SMG1: variants seen among roughly 807,000 people sequenced by gnomAD.
SMG1 encodes serine/threonine-protein kinase SMG1.
In SMG1, 22 loss-of-function variants were observed where a neutral mutation model predicts 419.9. The observed-to-expected ratio is 0.05, with a 90% confidence interval of 0.04 to 0.07. The LOEUF (loss-of-function observed/expected upper bound fraction) is 0.07. Ranked by LOEUF, SMG1 falls within the 10% of genes least tolerant of loss-of-function variation. The pLI is 1.00. For missense variants in SMG1, 3,185 were observed against 4,342.0 expected, an observed-to-expected ratio of 0.73 and a Z score of 7.49; for synonymous variants, 1,538 against 1,553.5, an observed-to-expected ratio of 0.99 and a Z score of 0.23.
At chr16:18,821,221 CTTTTT>C (rs869238782) in intron 55 of SMG1, among the ~76,000 whole-genome samples, 3 of 35,602 alleles carry the variant, frequency 8.4e-5, no homozygotes, top group East Asian at 6.0e-4. Context: ...TAGTATGTTT[CTTTTT>C]TTTTTTTTTT....
At chr16:18,888,546 C>A (rs1050202312) in intron 6 of SMG1, among the ~76,000 whole-genome samples, 1 of 151,448 alleles carries the variant, frequency 6.6e-6, no homozygotes, top group African/African-American at 2.4e-5. Context: ...CGGCTCACTG[C>A]AACCTCGGCC....
rs573813966 is a variant in SMG1, at chr16:18,916,630, AAC to A, written c.92+9318_92+9319del. 1.5e-3 allele frequency among the ~76,000 whole-genome samples: 225 copies of A among 152,064 alleles called. 1 individual carries two copies. Among genetic ancestry groups the A allele is most frequent in the African/African-American group, 5.2e-3 (215 of 41,544 alleles). Reference sequence around the variant, plus strand: ...ACATTAAAAAACACACACAAAAAAAAACACAGAATAAGGGAGCATTTCCCATA... The same window carrying A: ...ACATTAAAAAACACACACAAAAAAAAACAGAATAAGGGAGCATTTCCCATA... On this transcript the variant is annotated intron_variant, in intron 1 of 62. Transcript: ENST00000446231.
chr16:18,889,585 A>G lies in SMG1; in HGVS notation c.609T>C (p.Ser203=). 1 of 571,488 alleles carries G rather than the reference A, an allele frequency of 1.7e-6. No homozygotes were observed. The highest frequency in any genetic ancestry group is 2.9e-5 in the East Asian group (1 of 34,352). 35.4% of individuals were successfully genotyped at this position (571,488 alleles called of 1,614,324 possible). ...GTCTCAACTCCTGAAGCAATTTGCT[A>G]CTGTGTTTATTTTAATGCAAACAAA... ...LAAVHDVLNE[S]SKLLQELRQE... The change falls in exon 6 of 63, where the codon AGT becomes AGC. Residue 203 remains serine (S), a splice_region_variant and synonymous_variant. Transcript: ENST00000446231.
In SMG1 at chr16:18,866,856, T is replaced by A. The variant is rs959651469; in HGVS notation, c.3196-81A>T. 6 of 1,160,448 alleles carry A rather than the reference T, an allele frequency of 5.2e-6. No individual in the cohort carries two copies. In the African/African-American group the frequency reaches 9.1e-5, roughly 18 times the overall value. The allele number at this position is 1,160,448 out of a possible 1,614,324, so 71.9% of individuals were successfully genotyped here. ...ATAAAATTTACAACTGATCAGTCTGTGCCTGCTTAAAGCCAAATGTATTTA... is the reference window on the plus strand; with the variant it reads ...ATAAAATTTACAACTGATCAGTCTGAGCCTGCTTAAAGCCAAATGTATTTA... On this transcript the variant is annotated intron_variant, in intron 22 of 62. Coordinates refer to ENST00000446231, the MANE Select transcript of SMG1 (RefSeq NM_015092.5).
rs1407904998 is a variant in SMG1, at chr16:18,809,494, T to C, written c.*75A>G. 8.6e-7 allele frequency: 1 copy of C among 1,162,834 alleles called. No homozygotes were observed. The highest frequency in any genetic ancestry group is 1.3e-6 in the Non-Finnish European group (1 of 787,158). 72.0% of individuals were successfully genotyped at this position (1,162,834 alleles called of 1,614,324 possible). A position where few individuals can be genotyped will look rare whatever the true frequency, so the allele number is the denominator to read the frequency against. On this transcript the variant is annotated 3_prime_UTR_variant, in exon 63 of 63. Transcript: ENST00000446231. ...CATCACCACCGACTGTGGTGTGGCT[T>C]TGGATGCCTGAGGCTGAGTTGATTC...
In SMG1 at chr16:18,815,597, T is replaced by C. The variant is rs2031929697; in HGVS notation, c.10357A>G (p.Arg3453Gly). 6.2e-7 allele frequency: 1 copy of C among 1,613,882 alleles called. No individual in the cohort carries two copies. Among genetic ancestry groups the C allele is most frequent in the African/African-American group, 1.3e-5 (1 of 74,926 alleles). The change falls in exon 59 of 63, where the codon AGG (arginine) becomes GGG (glycine). Residue 3453 changes from arginine to glycine, a missense_variant. Physicochemically the swap from Arg to Gly is moderately radical, Grantham distance 125 (BLOSUM62 -2). Transcript: ENST00000446231. Reference sequence around the variant, plus strand: ...GATTTATATTCACCCAAAAACTGCCTAACACTGTTCTCATAGGGAACATCT... The same window carrying C: ...GATTTATATTCACCCAAAAACTGCCCAACACTGTTCTCATAGGGAACATCT... ...GEDVPYENSVRQFLGEYKSWQ... is the reference protein window; with the variant it reads ...GEDVPYENSVGQFLGEYKSWQ...
Position 18,836,009 on chromosome 16 carries a change from T to C in SMG1, c.7981A>G (p.Ile2661Val). ...TCCATCCAGGTCTTCCACTGTTCAA[T>C]TCGATGTTTCTGAAATATGGCCTTC... Reference protein sequence around the residue: ...YPKAIFQKHRIEQWKTWMEEL... With the variant: ...YPKAIFQKHRVEQWKTWMEEL... Residue 2661 changes from isoleucine to valine, a missense_variant, in exon 48 of 63, where the codon ATT becomes GTT. Around this residue, in one of 27 missense-constraint regions of SMG1, gnomAD observed 412 missense variants for 546.6 expected, o/e 0.75. Coordinates refer to ENST00000446231, the MANE Select transcript of SMG1 (RefSeq NM_015092.5). 6.4e-7 allele frequency: 1 copy of C among 1,563,266 alleles called. No homozygotes were observed. The highest frequency in any genetic ancestry group is 8.7e-7 in the Non-Finnish European group (1 of 1,153,252).
At chr16:18,821,221 C>CTTTTTTTTTTTTTTTTTTTTTTTTTTTTT (rs869238782) in intron 55 of SMG1, among the ~76,000 whole-genome samples, 12 of 35,594 alleles carry the variant, frequency 3.4e-4, no homozygotes, top group East Asian at 6.0e-4. Context: ...TAGTATGTTT[C>CTTTTTTTTTTTTTTTTTTTTTTTTTTTTT]TTTTTTTTTT....
At position 18,885,522 on chromosome 16, in the gene SMG1, A is replaced by C. The variant is rs1158498022; in HGVS notation, c.948+19T>G. On this transcript the variant is annotated intron_variant, in intron 7 of 62. Coordinates refer to ENST00000446231, the MANE Select transcript of SMG1 (RefSeq NM_015092.5). ...ATCCCCCTCACCCCATGATCTGAAA[A>C]GCGGAATGAGGAACTCACCCTAAAA... 6.3e-7 allele frequency: 1 copy of C among 1,596,000 alleles called. No individual in the cohort carries two copies.
chr16:18,922,276 A>AT (rs932600418), intron 1 of SMG1, among the ~76,000 whole-genome samples: 3 of 152,146 alleles, frequency 2.0e-5, no homozygotes, highest in South Asian at 2.1e-4. Context: ...ATGATAGGTC[A>AT]TTTTTTTAGG....
rs1297753522 is a variant in SMG1 at position 18,870,705 on chromosome 16, G to A, written c.2397C>T (p.Val799=). The change falls in exon 18 of 63, where the codon GTC becomes GTT. Residue 799 remains valine, a synonymous_variant. Transcript: ENST00000446231. ...SLPDDLLQRC[V]DVCRVQLVHS... is the part of the protein sequence containing the mutation. ...GCACTAGTTGAACACGGCAAACATC[G>A]ACACATCTATGAAAGAACGAAATAG... 2 of 1,607,262 alleles carry A rather than the reference G, an allele frequency of 1.2e-6. No homozygotes were observed.
At chr16:18,887,196 T>G (rs1261584940) in intron 6 of SMG1, among the ~76,000 whole-genome samples, 3 of 152,174 alleles carry the variant, frequency 2.0e-5, no homozygotes, top group Non-Finnish European at 4.4e-5. Context: ...CATCTATCTT[T>G]CTATGAATGT....
intron 56 of SMG1, 97 bp downstream of exon 56, chr16:18,819,405 G>T: frequency 7.5e-7 from 1 of 1,333,004 alleles, no homozygotes; most frequent in Non-Finnish European, 1.0e-6. Context: ...CAGAACGTGG[G>T]CTCTCAAGCT....
At chr16:18,827,597 AT>A (rs1218567804) in intron 55 of SMG1, among the ~76,000 whole-genome samples, 1 of 133,850 alleles carries the variant, frequency 7.5e-6, no homozygotes, top group Non-Finnish European at 1.6e-5. Flanking sequence ...TTTTAGATAT[AT>A]TTGGTATAAA....
At position 18,847,908 on chromosome 16, in the gene SMG1, T is replaced by A. The variant is rs765681254; in HGVS notation, c.5749A>T (p.Ser1917Cys). The A allele has an allele frequency of 6.2e-7, 1 of 1,613,942 alleles. No homozygotes were observed. The highest frequency in any genetic ancestry group is 1.3e-5 in the African/African-American group (1 of 74,950). Residue 1917 changes from serine to cysteine, a missense_variant, in exon 37 of 63, where the codon AGT becomes TGT. Physicochemically the swap from Ser to Cys is moderately radical, Grantham distance 112. This residue lies in a region of SMG1 where 130 missense variants were observed against 162.0 expected (regional missense o/e 0.80). Transcript: ENST00000446231. ...ATGGCTTGGTCTTCATTTAATCCACTTTTAGGTTCATCCTTATTGCTATCC... is the reference window on the plus strand; with the variant it reads ...ATGGCTTGGTCTTCATTTAATCCACATTTAGGTTCATCCTTATTGCTATCC... ...SQDSNKDEPK[S>C]GLNEDQAMMQ...
chr16:18,876,676 T>TA (rs1319907609), intron 12 of SMG1, among the ~76,000 whole-genome samples: 1 of 151,692 alleles, frequency 6.6e-6, no homozygotes, highest in Non-Finnish European at 1.5e-5. Context: ...TTTTTTTTTT[T>TA]TTTAAATAAT....
At position 18,888,437 on chromosome 16, in the gene SMG1, T is replaced by C. The variant is rs540216837; in HGVS notation, c.822+935A>G. The stretch of plus-strand genomic sequence containing the variant: ...TGCAAATCATTCTGGTCCTAAGCAA[T>C]CTCAAAAAAACATTTCTAAAAACCA... On this transcript the variant is annotated intron_variant, in intron 6 of 62. Transcript: ENST00000446231. Among the ~76,000 whole-genome samples the C allele has an allele frequency of 2.0e-5, 3 of 150,018 alleles. No individual in the cohort carries two copies. The South Asian group carries it at 6.3e-4, about 32-fold the overall frequency.
rs748670068 is a variant in SMG1, at chr16:18,868,327, G to A, written c.3058C>T (p.Arg1020Cys). 10 of 1,462,150 alleles carry A rather than the reference G, an allele frequency of 6.8e-6. No individual in the cohort carries two copies. The highest frequency in any genetic ancestry group is 8.3e-6 in the Non-Finnish European group (9 of 1,080,824). 90.6% of individuals were successfully genotyped at this position (1,462,150 alleles called of 1,614,324 possible). A position where few individuals can be genotyped will look rare whatever the true frequency, so the allele number is the denominator to read the frequency against. ...GTTAGCCAGTCCTGACAAGTTTGGC[G>A]ATTGGTATAGAAAAAAGTTCTAATG... ...KVIRTFFYTN[R>C]QTCQDWLTRI... is the part of the protein sequence containing the mutation. Residue 1020 changes from arginine to cysteine, a missense_variant, in exon 22 of 63, where the codon CGC (arginine) becomes TGC (cysteine). Arg to Cys is a radical substitution (Grantham distance 180). Around this residue, in one of 27 missense-constraint regions of SMG1, gnomAD observed 70 missense variants for 185.7 expected, o/e 0.38. Coordinates refer to ENST00000446231, the MANE Select transcript of SMG1 (RefSeq NM_015092.5).
At chr16:18,862,561 C>G (rs991305969) in intron 25 of SMG1, among the ~76,000 whole-genome samples, 1 of 152,168 alleles carries the variant, frequency 6.6e-6, no homozygotes, top group Non-Finnish European at 1.5e-5. Context: ...GGCTTGTTCT[C>G]TGTGTGCTCC....
Sources: allele counts gnomAD v4.1 joint callset (sites outside exome capture counted in the v4.1 genomes callset), GRCh38; gene constraint gnomAD v4.1.1; regional missense constraint gnomAD v4.1.1; transcripts MANE v1.5; gene names NCBI Gene and HGNC (gene_info 2026-07-23, HGNC 2026-07-21).